ATAD3B: variants seen among roughly 807,000 people sequenced by gnomAD.
ATAD3B encodes the protein ATPase family AAA domain containing 3B, also known as ATPase family AAA domain-containing protein 3B.
In ATAD3B, 59 loss-of-function variants were observed where a neutral mutation model predicts 70.2. The observed-to-expected ratio is 0.84, with a 90% CI of 0.68 to 1.04. The LOEUF (loss-of-function observed/expected upper bound fraction) is 1.04, where lower values mean the gene tolerates loss of function less well. ATAD3B is among the 50% of genes least tolerant of loss of function. ATAD3B has a pLI of 0.00. For synonymous variants in ATAD3B, 423 were observed against 388.6 expected, an observed-to-expected ratio of 1.09 and a Z score of -1.04; for missense variants, 961 against 913.4, an observed-to-expected ratio of 1.05 and a Z score of -0.67.
rs375680642 is a variant in ATAD3B, at chr1:1,486,173, G to A, written c.1027G>A (p.Gly343Ser). 40 of 1,613,160 alleles carry A rather than the reference G, an allele frequency of 2.5e-5. No homozygotes were observed. Among genetic ancestry groups the A allele is most frequent in the East Asian group, 2.2e-4 (10 of 44,852 alleles). ...IATRNTKKNR[G>S]LYRHILLYGP... Reference sequence around the variant, plus strand: ...AACCAGGAACACCAAGAAGAACCGGGGCCTGTACAGGCACATCCTGCTGTA... The same window carrying A: ...AACCAGGAACACCAAGAAGAACCGGAGCCTGTACAGGCACATCCTGCTGTA... Residue 343 changes from glycine to serine, a missense_variant, in exon 10 of 16, where the codon GGC (glycine) becomes AGC (serine). By Grantham distance (56) the Gly-to-Ser change is moderately conservative. This residue lies in a region of ATAD3B where 349 missense variants were observed against 307.5 expected (regional missense o/e 1.14). Coordinates refer to ENST00000673477, the MANE Select transcript of ATAD3B (RefSeq NM_031921.6).
In ATAD3B at chr1:1,478,754, G is replaced by T. The variant is rs372479639; in HGVS notation, c.384+9G>T. The T allele has an allele frequency of 6.6e-7, 1 of 1,505,726 alleles. No homozygotes were observed. The allele number at this position is 1,505,726 out of a possible 1,614,324, so 93.3% of individuals were successfully genotyped here. On this transcript the variant is annotated intron_variant, in intron 3 of 15. Transcript: ENST00000673477. ...CCCGGCAGCACCAGGCCGTAAGAGC[G>T]CAAGAGGCCGCGAGGGAGGCCGCCC...
At position 1,484,750 on chromosome 1, in the gene ATAD3B, G is replaced by C. The variant is rs1010542625; in HGVS notation, c.751-266G>C. 3 of 931,728 alleles carry C rather than the reference G, an allele frequency of 3.2e-6. No individual in the cohort carries two copies. In the East Asian group the frequency reaches 8.8e-5, roughly 27 times the overall value. The allele number at this position is 931,728 out of a possible 1,614,324, so 57.7% of individuals were successfully genotyped here. A position where few individuals can be genotyped will look rare whatever the true frequency, so the allele number is the denominator to read the frequency against. ...TCCAGCTGGGTCTGCCCAGGGCCCCGCTCAGCGACCGAGGCTTTCTAGGAT... is the reference window on the plus strand; with the variant it reads ...TCCAGCTGGGTCTGCCCAGGGCCCCCCTCAGCGACCGAGGCTTTCTAGGAT... On this transcript the variant is annotated intron_variant, in intron 7 of 15. Coordinates refer to ENST00000673477, the MANE Select transcript of ATAD3B (RefSeq NM_031921.6).
In ATAD3B at chr1:1,486,171, G is replaced by C; in HGVS notation, c.1025G>C (p.Arg342Pro). ...GCAACCAGGAACACCAAGAAGAACC[G>C]GGGCCTGTACAGGCACATCCTGCTG... ...AIATRNTKKN[R>P]GLYRHILLYG... Residue 342 changes from arginine (R) to proline (P), a missense_variant, in exon 10 of 16, where the codon CGG (arginine) becomes CCG (proline). This residue lies in a region of ATAD3B where 349 missense variants were observed against 307.5 expected (regional missense o/e 1.14). Coordinates refer to ENST00000673477, the MANE Select transcript of ATAD3B (RefSeq NM_031921.6). 11 of 1,613,232 alleles carry C rather than the reference G, an allele frequency of 6.8e-6. No homozygotes were observed. Among genetic ancestry groups the C allele is most frequent in the Non-Finnish European group, 8.5e-6 (10 of 1,179,622 alleles).
rs1375747152 is a variant in ATAD3B at position 1,497,529 on chromosome 1, T to C, written c.*1712T>C. ...TGGCCTCAATTCCTCTTTAAAGGAA[T>C]TGCCTAAATCTTAAACCAGCAATCA... On this transcript the variant is annotated 3_prime_UTR_variant, in exon 16 of 16. Transcript: ENST00000673477. 1 of 150,612 alleles carries C rather than the reference T, an allele frequency of 6.6e-6. No individual in the cohort carries two copies. The highest frequency in any genetic ancestry group is 6.6e-5 in the Admixed American group (1 of 15,038). The allele number at this position is 150,612 out of a possible 1,614,324, so 9.3% of individuals were successfully genotyped here.
At chr1:1,507,828 G>A in the ATAD3B span, among the ~76,000 whole-genome samples, 1 of 152,214 alleles carries the variant, frequency 6.6e-6, no homozygotes, top group Non-Finnish European at 1.5e-5. Flanking sequence ...TTTACAGCTT[G>A]GAGATTTTAG....
intron 15 of ATAD3B, among the ~76,000 whole-genome samples, chr1:1,492,464 G>T (rs1479757018): frequency 6.7e-6 from 1 of 150,016 alleles, no homozygotes; most frequent in Non-Finnish European, 1.5e-5. Context: ...GTAGCCTGAG[G>T]GACAGAGTGA....
chr1:1,499,983 C>T (rs996972127), downstream of ATAD3B, among the ~76,000 whole-genome samples: 3 of 150,976 alleles, frequency 2.0e-5, no homozygotes, highest in African/African-American at 7.3e-5. Context: ...CTGCAACCTC[C>T]GCCTCCCGGG....
At chr1:1,479,997 C>T (rs1309200973) in intron 4 of ATAD3B, among the ~76,000 whole-genome samples, 1 of 145,774 alleles carries the variant, frequency 6.9e-6, no homozygotes, top group African/African-American at 2.6e-5. Flanking sequence ...GACACACGCA[C>T]ACCCCCTCAC....
intron 12 of ATAD3B, among the ~76,000 whole-genome samples, 159 bp downstream of exon 12, chr1:1,488,073 G>C (rs1200339718): frequency 1.3e-5 from 2 of 151,960 alleles, no homozygotes; most frequent in Admixed American, 6.6e-5. Flanking sequence ...TCCTGCCTCA[G>C]CCCCCTGAGT....
downstream of ATAD3B, among the ~76,000 whole-genome samples, chr1:1,502,443 C>T (rs1284550951): frequency 1.4e-5 from 2 of 145,876 alleles, no homozygotes; most frequent in Middle Eastern, 3.9e-3. Context: ...CTCCTGACCT[C>T]GTGATCCACC....
chr1:1,498,719 T>C (rs1258893172), downstream of ATAD3B, among the ~76,000 whole-genome samples: 1 of 151,316 alleles, frequency 6.6e-6, no homozygotes, highest in Non-Finnish European at 1.5e-5. Flanking sequence ...GTTTGTTTTT[T>C]TCAGACGGAG....
intron 13 of ATAD3B, chr1:1,489,678 C>A: frequency 7.6e-7 from 1 of 1,320,528 alleles, no homozygotes; most frequent in East Asian, 5.2e-5. Context: ...TCTTGGTCTC[C>A]TGGGCCCCTC....
chr1:1,474,367 T>C lies in ATAD3B; in HGVS notation c.205+2278T>C, dbSNP rs1281877866. On this transcript the variant is annotated intron_variant, in intron 1 of 15. Coordinates refer to ENST00000673477, the MANE Select transcript of ATAD3B (RefSeq NM_031921.6). Reference sequence around the variant, plus strand: ...CGCCACGCCCGGCTAATTTTTTGTATTTTTTTTAGAGACCGGTTTTCACCA... The same window carrying C: ...CGCCACGCCCGGCTAATTTTTTGTACTTTTTTTAGAGACCGGTTTTCACCA... 2.7e-5 allele frequency among the ~76,000 whole-genome samples: 4 copies of C among 150,192 alleles called. 1 individual carries two copies. The highest frequency in any genetic ancestry group is 4.4e-5 in the Non-Finnish European group (3 of 67,494).
rs201914463 is a variant in ATAD3B at position 1,485,862 on chromosome 1, G to T, written c.963+24G>T. On this transcript the variant is annotated intron_variant, in intron 9 of 15. Coordinates refer to ENST00000673477, the MANE Select transcript of ATAD3B (RefSeq NM_031921.6). Reference sequence around the variant, plus strand: ...GTGTAAGTCGGTGTGCCTGGGACCGGGGAGGTGCAGGGAGGGGACCCCGGA... The same window carrying T: ...GTGTAAGTCGGTGTGCCTGGGACCGTGGAGGTGCAGGGAGGGGACCCCGGA... 15 of 1,612,724 alleles carry T rather than the reference G, an allele frequency of 9.3e-6. 1 individual carries two copies. The highest frequency in any genetic ancestry group is 6.7e-5 in the East Asian group (3 of 44,868).
At chr1:1,487,523 C>G (rs148862875) in intron 11 of ATAD3B, among the ~76,000 whole-genome samples, 1 of 151,138 alleles carries the variant, frequency 6.6e-6, no homozygotes, top group Non-Finnish European at 1.5e-5. Flanking sequence ...CTTGCGTGGA[C>G]TCTTGAGCAC....
chr1:1,503,302 T>A, the ATAD3B span: 1 of 383,736 alleles, frequency 2.6e-6, no homozygotes, highest in African/African-American at 2.0e-5. Flanking sequence ...TGTGTTGAAT[T>A]GGGCAAGAGC....
In ATAD3B at chr1:1,495,990, G is replaced by C; in HGVS notation, c.*173G>C. 1 of 1,362,758 alleles carries C rather than the reference G, an allele frequency of 7.3e-7. No individual in the cohort carries two copies. The highest frequency in any genetic ancestry group is 9.4e-7 in the Non-Finnish European group (1 of 1,059,578). 84.4% of individuals were successfully genotyped at this position (1,362,758 alleles called of 1,614,324 possible). ...CTGGGGCAGAAGGAGTGGGGCAGGC[G>C]GGGTCTTTGTTCTCGGCTCCCACAG... On this transcript the variant is annotated 3_prime_UTR_variant, in exon 16 of 16. Coordinates refer to ENST00000673477, the MANE Select transcript of ATAD3B (RefSeq NM_031921.6).
Position 1,471,992 on chromosome 1 carries a change from T to C in ATAD3B, c.108T>C (p.Gly36=), listed in dbSNP as rs188574574. The change falls in exon 1 of 16, where the codon GGT becomes GGC. Residue 36 remains glycine (G), a synonymous_variant. Transcript: ENST00000673477. ...QPGAEGGGDR[G]LGDRPAPKDK... ...GGGCCGAGGGCGGCGGGGACCGCGG[T>C]TTGGGAGACCGGCCGGCGCCCAAGG... is the stretch of plus-strand genomic sequence containing the variant. The C allele has an allele frequency of 0.27, 326,628 of 1,213,800 alleles. 71,823 individuals carry two copies. Among genetic ancestry groups the C allele is most frequent in the East Asian group, 0.99 (29,498 of 29,694 alleles). The allele number at this position is 1,213,800 out of a possible 1,614,324, so 75.2% of individuals were successfully genotyped here.
At chr1:1,485,629 C>T (rs1159927155) in intron 8 of ATAD3B, 153 bp from the exon 9 acceptor site, 2 of 1,289,258 alleles carry the variant, frequency 1.6e-6, no homozygotes, top group Non-Finnish European at 2.2e-6. Flanking sequence ...GCCTCCTGGT[C>T]TCCCGGCGGG....
Sources: allele counts gnomAD v4.1 joint callset (sites outside exome capture counted in the v4.1 genomes callset), GRCh38; gene constraint gnomAD v4.1.1; regional missense constraint gnomAD v4.1.1; transcripts MANE v1.5; gene names NCBI Gene and HGNC (gene_info 2026-07-23, HGNC 2026-07-21).